Variants in EFHD1 observed in about 807,000 individuals in gnomAD.
EFHD1 encodes the protein EF-hand domain-containing protein D1.
EFHD1 carries 10 observed loss-of-function variants against 17.2 expected under a neutral mutation model. The observed-to-expected ratio is 0.58, with a 90% CI of 0.36 to 0.99. The LOEUF (loss-of-function observed/expected upper bound fraction) is 0.99, where lower values mean the gene tolerates loss of function less well. Among genes scored for constraint, EFHD1 ranks in the 50% least tolerant of loss-of-function variants. The pLI is 0.01. For missense variants in EFHD1, 310 were observed against 327.5 expected (o/e 0.95, Z 0.41); for synonymous variants, 153 against 142.0 (o/e 1.08, Z -0.55).
intron 1 of EFHD1, among the ~76,000 whole-genome samples, chr2:232,648,020 G>C (rs1024995803): frequency 6.6e-6 from 1 of 152,284 alleles, no homozygotes; most frequent in African/African-American, 2.4e-5. Context: ...CAAGAGGATT[G>C]CTTGAGTACA....
In EFHD1 at chr2:232,662,792, G is replaced by A. The variant is rs995401582; in HGVS notation, c.303-10G>A. 6.4e-7 allele frequency: 1 copy of A among 1,561,058 alleles called. No individual in the cohort carries two copies. Among genetic ancestry groups the A allele is most frequent in the African/African-American group, 1.4e-5 (1 of 71,160 alleles). On this transcript the variant is annotated splice_polypyrimidine_tract_variant and intron_variant, in intron 1 of 3. Transcript: ENST00000264059. ...TTTCATCCCGGTCATGCATTCCTTTGACCCTGCAGGTATGACGCTGGGCGG... is the reference window on the plus strand; with the variant it reads ...TTTCATCCCGGTCATGCATTCCTTTAACCCTGCAGGTATGACGCTGGGCGG...
intron 1 of EFHD1, among the ~76,000 whole-genome samples, chr2:232,618,739 T>TAAAAA (rs1188926936): frequency 7.5e-5 from 8 of 106,794 alleles, no homozygotes; most frequent in African/African-American, 9.2e-5. Flanking sequence ...AAAAAAAAAT[T>TAAAAA]TTGAAAAAAG....
chr2:232,610,572 C>G lies in EFHD1; in HGVS notation c.14+4399C>G, dbSNP rs550184185. On this transcript the variant is annotated intron_variant, in intron 1 of 3. Transcript: ENST00000409613. ...GCGACAGAGTGAGACTCCGTCCCCC[C>G]GCCCCGAAAAAATATACTGGGCTGG... 5.3e-4 allele frequency among the ~76,000 whole-genome samples: 81 copies of G among 151,522 alleles called. 2 individuals carry two copies. In the South Asian group the frequency reaches 0.012, roughly 22 times the overall value.
At chr2:232,679,602 T>C (rs1359386748) in intron 3 of EFHD1, among the ~76,000 whole-genome samples, 1 of 151,562 alleles carries the variant, frequency 6.6e-6, no homozygotes, top group Non-Finnish European at 1.5e-5. Context: ...TAGGCCTAGC[T>C]GCTCAGGATG....
chr2:232,624,792 C>G (rs920719869), intron 1 of EFHD1, among the ~76,000 whole-genome samples: 2 of 152,138 alleles, frequency 1.3e-5, no homozygotes, highest in African/African-American at 4.8e-5. Context: ...GACACAATTG[C>G]CAGAAGATGC....
rs77944612 is a variant in EFHD1 at position 232,674,847 on chromosome 2, G to C, written c.585+2404G>C. The stretch of plus-strand genomic sequence containing the variant: ...GTGATCGTGGGAACACCAAGTGGAA[G>C]GCTCCAAGGCATAGAGGGTGAGACG... On this transcript the variant is annotated intron_variant, in intron 3 of 3. Coordinates refer to ENST00000264059, the MANE Select transcript of EFHD1 (RefSeq NM_025202.4). Among the ~76,000 whole-genome samples the C allele has an allele frequency of 4.6e-3, 694 of 152,202 alleles. 2 individuals carry two copies. Among genetic ancestry groups the C allele is most frequent in the Middle Eastern group, 0.024 (7 of 294 alleles).
rs762575586 is a variant in EFHD1 at position 232,681,595 on chromosome 2, T to C, written c.596T>C (p.Leu199Ser). 8.1e-6 allele frequency: 13 copies of C among 1,614,106 alleles called. No homozygotes were observed. Among genetic ancestry groups the C allele is most frequent in the Non-Finnish European group, 1.1e-5 (13 of 1,179,976 alleles). Residue 199 changes from leucine to serine, a missense_variant, in exon 4 of 4, where the codon TTG (leucine) becomes TCG (serine). Physicochemically the swap from Leu to Ser is moderately radical, Grantham distance 145 (BLOSUM62 -2). Transcript: ENST00000264059. ...KNFFEAKVQALSSASKFEAEL... is the reference protein window; with the variant it reads ...KNFFEAKVQASSSASKFEAEL... ...GCTATTTCTCTGCAGGTCCAAGCCTTGTCATCGGCCAGTAAGTTTGAAGCA... is the reference window on the plus strand; with the variant it reads ...GCTATTTCTCTGCAGGTCCAAGCCTCGTCATCGGCCAGTAAGTTTGAAGCA...
intron 1 of EFHD1, among the ~76,000 whole-genome samples, chr2:232,623,596 C>A (rs139336303): frequency 6.9e-6 from 1 of 145,320 alleles, no homozygotes; most frequent in Non-Finnish European, 1.5e-5. Context: ...ATCGCTTGAA[C>A]CCGAGAGGCA....
At chr2:232,634,067 G>T in intron 1 of EFHD1, 61 bp downstream of exon 1, 1 of 1,584,288 alleles carries the variant, frequency 6.3e-7, no homozygotes. Flanking sequence ...AGGGCTTTCT[G>T]GTCCGAAGTC....
At chr2:232,655,726 C>T (rs1032021773) in intron 1 of EFHD1, among the ~76,000 whole-genome samples, 4 of 152,196 alleles carry the variant, frequency 2.6e-5, no homozygotes, top group Admixed American at 1.3e-4. Flanking sequence ...CTTTGGGCCC[C>T]TGGGCAACAT....
chr2:232,613,193 G>GT (rs1456515992), intron 1 of EFHD1, among the ~76,000 whole-genome samples: 2 of 152,000 alleles, frequency 1.3e-5, no homozygotes, highest in Non-Finnish European at 2.9e-5. Flanking sequence ...GGAGGCCGAC[G>GT]TGGGTGGATC....
chr2:232,617,868 G>C (rs1419972926), intron 1 of EFHD1, among the ~76,000 whole-genome samples: 7 of 149,974 alleles, frequency 4.7e-5, no homozygotes, highest in Admixed American at 4.7e-4. Flanking sequence ...AGAATCGCTT[G>C]AACCTGGGAG....
intron 2 of EFHD1, among the ~76,000 whole-genome samples, chr2:232,668,696 C>T (rs898357757): frequency 3.9e-5 from 6 of 152,072 alleles, no homozygotes; most frequent in African/African-American, 7.2e-5. Context: ...TGCAATGGCG[C>T]GATCTCGGCT....
intron 2 of EFHD1, among the ~76,000 whole-genome samples, chr2:232,663,518 C>T (rs1197491522): frequency 6.6e-6 from 1 of 151,944 alleles, no homozygotes; most frequent in African/African-American, 2.4e-5. Flanking sequence ...TACAGTGTGC[C>T]ACCAGGCCTG....
At chr2:232,625,951 G>A (rs1694097953) in intron 1 of EFHD1, among the ~76,000 whole-genome samples, 1 of 152,122 alleles carries the variant, frequency 6.6e-6, no homozygotes, top group African/African-American at 2.4e-5. Flanking sequence ...AGCATTTTGG[G>A]AGGCTGCGGC....
chr2:232,638,070 G>A (rs1694350580), intron 1 of EFHD1: 1 of 220,494 alleles, frequency 4.5e-6, no homozygotes, highest in Admixed American at 5.0e-5. Flanking sequence ...TTCCAAGCCT[G>A]TTACTGGATA....
chr2:232,613,661 T>TACAC (rs141418547), intron 1 of EFHD1, among the ~76,000 whole-genome samples: 5 of 128,724 alleles, frequency 3.9e-5, no homozygotes, highest in East Asian at 2.3e-4. Context: ...CACACACAAA[T>TACAC]ACACACACAC....
chr2:232,664,163 CAG>C (rs1399245090), intron 2 of EFHD1, among the ~76,000 whole-genome samples: 1 of 151,614 alleles, frequency 6.6e-6, no homozygotes, highest in Non-Finnish European at 1.5e-5. Context: ...TTACTTGAAA[CAG>C]GGTTGCTCTG....
chr2:232,643,418 T>C (rs1694468290), intron 1 of EFHD1, among the ~76,000 whole-genome samples: 1 of 152,154 alleles, frequency 6.6e-6, no homozygotes, highest in South Asian at 2.1e-4. Context: ...GTATTTTTTT[T>C]GTTTTTTGAG....
Sources: gnomAD v4.1 joint callset for allele counts (sites outside exome capture counted in the v4.1 genomes callset) on GRCh38, gnomAD v4.1.1 for gene constraint, MANE v1.5 for transcripts, NCBI Gene and HGNC (gene_info 2026-07-23, HGNC 2026-07-21) for gene names.